The following PLD4 variants were observed in gnomAD, a reference collection of about 807,000 sequenced individuals.
The protein encoded by PLD4 is 5'-3' exonuclease PLD4.
In PLD4, 54 loss-of-function variants were observed where a neutral mutation model predicts 52.3. The ratio of observed to expected loss-of-function variants is 1.03; its 90% CI spans 0.83 to 1.30. The LOEUF (loss-of-function observed/expected upper bound fraction) is 1.30, where lower values mean the gene tolerates loss of function less well. Among genes scored for constraint, PLD4 ranks in the 50% most tolerant of loss-of-function variants. The pLI, the probability that PLD4 is intolerant of heterozygous loss-of-function variation, is 0.00. For missense variants in PLD4, 731 were observed against 671.1 expected (o/e 1.09, Z -0.99); for synonymous variants, 264 against 286.5 (o/e 0.92, Z 0.79).
rs1011069335 is a variant in PLD4 at position 104,932,099 on chromosome 14, C to T, written c.1146C>T (p.Asn382=). 2.7e-5 allele frequency: 43 copies of T among 1,610,694 alleles called. No homozygotes were observed. The highest frequency in any genetic ancestry group is 3.6e-5 in the Non-Finnish European group (43 of 1,179,286). The change falls in exon 9 of 11, where the codon AAC becomes AAT. Residue 382 remains asparagine (N), a synonymous_variant. Transcript: ENST00000392593. This position sits in a 1 kb window ranked among gnomAD's most constrained non-coding sequence, Gnocchi z 6.5. The stretch of plus-strand genomic sequence containing the variant: ...GCCTGCTGGTCGGCTGCGGACTCAA[C>T]ACGGACCCCACCATGTTCCCCTACC... ...RVRLLVGCGL[N]TDPTMFPYLR...
At position 104,927,720 on chromosome 14, in the gene PLD4, T is replaced by C. The variant is rs375786830; in HGVS notation, c.138T>C (p.Ala46=). ...CTGTGCTGTGGCTGGGCTCCGTGGC[T>C]CTTATCTGCCTCCTGTGGCAAGTGC... ...ALAVLWLGSV[A]LICLLWQVPR... Residue 46 remains alanine (A), a synonymous_variant, in exon 3 of 11, where the codon GCT becomes GCC. Coordinates refer to ENST00000392593, the MANE Select transcript of PLD4 (RefSeq NM_138790.5). 19 of 1,598,130 alleles carry C rather than the reference T, an allele frequency of 1.2e-5. No individual in the cohort carries two copies. In the African/African-American group the frequency reaches 2.3e-4, roughly 19 times the overall value.
downstream of PLD4, chr14:104,934,449 T>G (rs1262337505): frequency 6.6e-6 from 1 of 152,056 alleles, no homozygotes; most frequent in Non-Finnish European, 1.5e-5. Flanking sequence ...GAATGCTGGG[T>G]CAGAAGGATT....
intron 4 of PLD4, 138 bp from the exon 5 acceptor site, chr14:104,929,169 G>A: frequency 7.2e-7 from 1 of 1,393,842 alleles, no homozygotes. Context: ...CTCTCACCAA[G>A]GGTCATCCAG....
Position 104,927,758 on chromosome 14 carries a change from C to T in PLD4, c.176C>T (p.Thr59Ile). The change falls in exon 3 of 11, where the codon ACC becomes ATC. Residue 59 changes from threonine (T) to isoleucine (I), a missense_variant. Coordinates refer to ENST00000392593, the MANE Select transcript of PLD4 (RefSeq NM_138790.5). ...CLLWQVPRPP[T>I]WGQVQPKDVP... The stretch of plus-strand genomic sequence containing the variant: ...CTGTGGCAAGTGCCCCGTCCTCCCA[C>T]CTGGGGCCAGGTGCAGCCCAAGGAC... 1.3e-6 allele frequency: 2 copies of T among 1,599,338 alleles called. No individual in the cohort carries two copies. The highest frequency in any genetic ancestry group is 1.7e-6 in the Non-Finnish European group (2 of 1,176,832).
At chr14:104,931,051 G>C (rs1412237901) in intron 7 of PLD4, 109 bp downstream of exon 7, 1 of 1,280,914 alleles carries the variant, frequency 7.8e-7, no homozygotes, top group Non-Finnish European at 1.1e-6. Flanking sequence ...AGCATCAGCT[G>C]GGTCCTCAGG....
Position 104,932,455 on chromosome 14 carries a change from G to A in PLD4, c.1321+100G>A. The A allele has an allele frequency of 7.7e-7, 1 of 1,301,894 alleles. No homozygotes were observed. The allele number at this position is 1,301,894 out of a possible 1,614,324, so 80.6% of individuals were successfully genotyped here. A position where few individuals can be genotyped will look rare whatever the true frequency, so the allele number is the denominator to read the frequency against. On this transcript the variant is annotated intron_variant, in intron 10 of 10. Coordinates refer to ENST00000392593, the MANE Select transcript of PLD4 (RefSeq NM_138790.5). The surrounding 1 kb of genome is among the most constrained non-coding windows in gnomAD (Gnocchi z 6.5). ...CCGGCGTGGACACCTCAGGAGGGAG[G>A]GGCTGCTGCTGAAGGGGGACGGGGT...
In PLD4 at chr14:104,932,369, G is replaced by C; in HGVS notation, c.1321+14G>C. ...CAGCCTACATAGGTGAGCGCGATCA[G>C]ATCACGGCGGGCGGGCCCCAGGGTG... is the stretch of plus-strand genomic sequence containing the variant. On this transcript the variant is annotated intron_variant, in intron 10 of 10. Coordinates refer to ENST00000392593, the MANE Select transcript of PLD4 (RefSeq NM_138790.5). This position sits in a 1 kb window ranked among gnomAD's most constrained non-coding sequence, Gnocchi z 6.5. 1 of 1,611,668 alleles carries C rather than the reference G, an allele frequency of 6.2e-7. No homozygotes were observed.
chr14:104,931,174 C>G (rs1216150312), intron 7 of PLD4, among the ~76,000 whole-genome samples: 2 of 152,218 alleles, frequency 1.3e-5, no homozygotes, highest in African/African-American at 4.8e-5. Context: ...GACAGCTGGT[C>G]AGCACCATCC....
At chr14:104,937,560 A>C (rs1897841386), downstream of PLD4, 1 of 153,296 alleles carries the variant, frequency 6.5e-6, no homozygotes, top group Non-Finnish European at 1.5e-5. Flanking sequence ...CAAAGAAGTA[A>C]GCTAAGTGAG....
At chr14:104,931,593 C>T (rs1239069105) in intron 7 of PLD4, among the ~76,000 whole-genome samples, 155 bp from the exon 8 acceptor site, 2 of 152,192 alleles carry the variant, frequency 1.3e-5, no homozygotes, top group African/African-American at 2.4e-5. Context: ...TCCCCAGGAC[C>T]CCTGTTGAGC....
chr14:104,931,922 C>T (rs1044245532), intron 8 of PLD4, 35 bp downstream of exon 8: 26 of 1,525,622 alleles, frequency 1.7e-5, no homozygotes, highest in Non-Finnish European at 2.2e-5. Flanking sequence ...GCCTGCTCTG[C>T]TGACGGGCAG....
At chr14:104,929,020 G>GC in intron 4 of PLD4, 88 bp downstream of exon 4, 1 of 1,457,452 alleles carries the variant, frequency 6.9e-7, no homozygotes, top group South Asian at 1.3e-5. Flanking sequence ...CGGGCACCAG[G>GC]CCCGGGGGCT....
intron 7 of PLD4, 38 bp from the exon 8 acceptor site, chr14:104,931,710 G>A (rs768680209): frequency 1.9e-6 from 3 of 1,558,904 alleles, no homozygotes; most frequent in Non-Finnish European, 2.6e-6. Context: ...GAATGGGCTG[G>A]GCTGGCAGAG....
chr14:104,929,522 G>A, intron 5 of PLD4, 95 bp downstream of exon 5: 1 of 1,457,692 alleles, frequency 6.9e-7, no homozygotes, highest in Non-Finnish European at 9.1e-7. Context: ...GTGAGGGTGG[G>A]AAAGGTGCCC....
In PLD4 at chr14:104,928,834, C is replaced by T. The variant is rs779984187; in HGVS notation, c.370C>T (p.Gln124Ter). The T allele has an allele frequency of 2.5e-6, 4 of 1,612,226 alleles. No homozygotes were observed. The highest frequency in any genetic ancestry group is 1.1e-5 in the South Asian group (1 of 91,064). ...SAQPLGQAWL[Q>*]LLDTAQESVH... ...CCAGCCTCTGGGCCAGGCCTGGCTG[C>T]AGCTGCTGGACACTGCCCAGGAGAG... The change falls in exon 4 of 11, where the codon CAG becomes TAG. Residue 124 changes from glutamine (Q) to a stop codon, truncating the protein, a stop_gained. Transcript: ENST00000392593. LOFTEE classifies it high-confidence loss of function.
At chr14:104,935,799 C>T (rs1333713403), downstream of PLD4, 1 of 152,162 alleles carries the variant, frequency 6.6e-6, no homozygotes, top group East Asian at 1.9e-4. Flanking sequence ...GAAACTGGGG[C>T]CCTCAATCAT....
chr14:104,926,991 C>T, intron 1 of PLD4, 150 bp from the exon 2 acceptor site: 1 of 612,854 alleles, frequency 1.6e-6, no homozygotes, highest in Non-Finnish European at 2.5e-6. Context: ...CCCCAACATC[C>T]AGGGCGTGAC....
chr14:104,934,778 A>C (rs1043370109), downstream of PLD4: 2 of 152,160 alleles, frequency 1.3e-5, no homozygotes, highest in African/African-American at 4.8e-5. Context: ...AAAGCTAGCA[A>C]AGTTCATCTC....
At chr14:104,930,163 C>T in intron 6 of PLD4, 58 bp downstream of exon 6, 1 of 1,601,064 alleles carries the variant, frequency 6.2e-7, no homozygotes, top group East Asian at 2.2e-5. Context: ...CGCCTGCACT[C>T]CTGGGGACTT....
Sources: allele counts gnomAD v4.1 joint callset (sites outside exome capture counted in the v4.1 genomes callset), GRCh38; gene constraint gnomAD v4.1.1; non-coding constraint Gnocchi (gnomAD v3.1); transcripts MANE v1.5; gene names NCBI Gene and HGNC (gene_info 2026-07-23, HGNC 2026-07-21).